Variants in SERPINA7 observed in about 807,000 individuals in gnomAD.
SERPINA7 encodes thyroxine-binding globulin.
In SERPINA7, 14 loss-of-function variants were observed where a neutral mutation model predicts 16.0. The ratio of observed to expected loss-of-function variants is 0.88; its 90% CI spans 0.58 to 1.37. The LOEUF (loss-of-function observed/expected upper bound fraction) is 1.37, where lower values mean the gene tolerates loss of function less well. SERPINA7 is among the 40% of genes most tolerant of loss of function. The pLI, the probability that SERPINA7 is intolerant of heterozygous loss-of-function variation, is 0.00. For missense variants in SERPINA7, 335 were observed against 296.6 expected (o/e 1.13, Z -0.95); for synonymous variants, 140 against 111.0 (o/e 1.26, Z -1.65).
intron 3 of SERPINA7, among the ~76,000 whole-genome samples, chrX:106,034,868 T>C (rs113672465): frequency 1.8e-5 from 2 of 112,215 alleles, no homozygotes; most frequent in African/African-American, 6.5e-5. Context: ...CCAGACTTCC[T>C]AATTTGAAAA....
In SERPINA7 at chrX:106,035,329, T is replaced by C. The variant is rs754580387; in HGVS notation, c.679A>G (p.Ile227Val). The C allele has an allele frequency of 2.5e-6, 3 of 1,209,545 alleles. No individual in the cohort carries two copies. The East Asian group carries it at 8.9e-5, about 36-fold the overall frequency. ...SKTEDSSSFL[I>V]DKTTTVQVPM... Reference sequence around the variant, plus strand: ...ACTTGAACAGTGGTGGTCTTGTCTATTAAGAAGCTGGAACTGTCTTCTGTC... The same window carrying C: ...ACTTGAACAGTGGTGGTCTTGTCTACTAAGAAGCTGGAACTGTCTTCTGTC... The change falls in exon 3 of 5, where the codon ATA becomes GTA. Residue 227 changes from isoleucine (I) to valine (V), a missense_variant. Coordinates refer to ENST00000372563, the MANE Select transcript of SERPINA7 (RefSeq NM_000354.6).
At chrX:106,034,893 G>T (rs191610501) in intron 3 of SERPINA7, among the ~76,000 whole-genome samples, 1 of 112,063 alleles carries the variant, frequency 8.9e-6, no homozygotes, top group Non-Finnish European at 1.9e-5. Flanking sequence ...CAATTATACT[G>T]CCTCCTTTGT....
At chrX:106,037,288 C>G in intron 1 of SERPINA7, 2 of 397,773 alleles carry the variant, frequency 5.0e-6, no homozygotes, top group Non-Finnish European at 8.7e-6. Context: ...TGGCTTGCTG[C>G]AACCACGGAA....
chrX:106,033,517 T>C lies in SERPINA7; in HGVS notation c.1231A>G (p.Asn411Asp). The C allele has an allele frequency of 8.3e-7, 1 of 1,211,702 alleles. No individual in the cohort carries two copies. The highest frequency in any genetic ancestry group is 1.1e-6 in the Non-Finnish European group (1 of 895,275). The change falls in exon 5 of 5, where the codon AAC (asparagine) becomes GAC (aspartate). Residue 411 changes from asparagine to aspartate, a missense_variant. Coordinates refer to ENST00000372563, the MANE Select transcript of SERPINA7 (RefSeq NM_000354.6). Reference protein sequence around the residue: ...RSILFLGKVVNPTEA With the variant: ...RSILFLGKVVDPTEA ...TTTCCCAACTACGCTTCCGTTGGGT[T>C]CACAACTTTCCCTAGAAAGAGAATA...
At chrX:106,037,346 C>T (rs776893540) in intron 1 of SERPINA7, 116 of 310,182 alleles carry the variant, frequency 3.7e-4, no homozygotes, top group East Asian at 6.3e-4. Context: ...ATTATGAAAA[C>T]GCTGTGAGTA....
Position 106,034,389 on chromosome X carries a change from G to A in SERPINA7, c.897-7C>T. The A allele has an allele frequency of 8.3e-7, 1 of 1,197,904 alleles. No individual in the cohort carries two copies. ...AACAAACAAGTCAACCCATCTGTGGGAAAAGAGGAAGGGAACACATGGCAA... is the reference window on the plus strand; with the variant it reads ...AACAAACAAGTCAACCCATCTGTGGAAAAAGAGGAAGGGAACACATGGCAA... On this transcript the variant is annotated splice_polypyrimidine_tract_variant and splice_region_variant and intron_variant, in intron 3 of 4. Transcript: ENST00000372563.
At chrX:106,034,834 G>C (rs2041436268) in intron 3 of SERPINA7, among the ~76,000 whole-genome samples, 3 of 111,611 alleles carry the variant, frequency 2.7e-5, no homozygotes, top group Non-Finnish European at 3.8e-5. Flanking sequence ...GCTGACTTTG[G>C]GGAGCTCATC....
intron 1 of SERPINA7, 31 bp downstream of exon 1, chrX:106,038,667 C>A (rs915047820): frequency 9.0e-6 from 1 of 111,583 alleles, no homozygotes; most frequent in Admixed American, 9.5e-5. Context: ...TAGAGATGTT[C>A]AAAGTTTCCA....
Position 106,036,957 on chromosome X carries a change from T to C in SERPINA7, c.102A>G (p.Gln34=). 8.3e-7 allele frequency: 1 copy of C among 1,210,716 alleles called. No individual in the cohort carries two copies. Among genetic ancestry groups the C allele is most frequent in the African/African-American group, 1.7e-5 (1 of 57,578 alleles). The change falls in exon 2 of 5, where the codon CAA becomes CAG. Residue 34 remains glutamine (Q), a synonymous_variant. Coordinates refer to ENST00000372563, the MANE Select transcript of SERPINA7 (RefSeq NM_000354.6). ...ACATCTTGTAGAGAGTGGCATTTGG[T>C]TGGGATGAATGGCAGGCTGTTACTT... ...EGKVTACHSS[Q]PNATLYKMSS...
Position 106,034,259 on chromosome X carries a change from C to T in SERPINA7, c.1020G>A (p.Glu340=). The T allele has an allele frequency of 8.3e-7, 1 of 1,210,597 alleles. No individual in the cohort carries two copies. Among genetic ancestry groups the T allele is most frequent in the Non-Finnish European group, 1.1e-6 (1 of 894,498 alleles). The change falls in exon 4 of 5, where the codon GAG becomes GAA. Residue 340 remains glutamate (E), a synonymous_variant. Transcript: ENST00000372563. The stretch of plus-strand genomic sequence containing the variant: ...CATTGGAAAGTTTCAGACCATTGTC[C>T]TCTGTGAGTCCAGAAAAATCAGCAT... ...SENADFSGLT[E]DNGLKLSNAA... is the part of the protein sequence containing the mutation.
chrX:106,033,925 C>T (rs1003076038), intron 4 of SERPINA7, among the ~76,000 whole-genome samples: 3 of 112,271 alleles, frequency 2.7e-5, no homozygotes, highest in Admixed American at 9.4e-5. Flanking sequence ...GGCCTGCTGC[C>T]GCCAGGAGTC....
At chrX:106,034,506 C>T (rs901960573) in intron 3 of SERPINA7, 124 bp from the exon 4 acceptor site, 12 of 620,950 alleles carry the variant, frequency 1.9e-5, no homozygotes, top group Non-Finnish European at 2.9e-5. Flanking sequence ...ATAACCATTA[C>T]TATGTAAGTC....
Position 106,036,906 on chromosome X carries a change from G to C in SERPINA7, c.153C>G (p.Phe51Leu). 8.3e-7 allele frequency: 1 copy of C among 1,211,274 alleles called. No homozygotes were observed. The highest frequency in any genetic ancestry group is 1.1e-6 in the Non-Finnish European group (1 of 895,146). ...KMSSINADFA[F>L]NLYRRFTVET... is the part of the protein sequence containing the mutation. ...CCACAGTGAACCTCCGGTACAGATT[G>C]AATGCAAAGTCAGCATTAATGGATG... The change falls in exon 2 of 5, where the codon TTC becomes TTG. Residue 51 changes from phenylalanine (F) to leucine (L), a missense_variant. Physicochemically the swap from Phe to Leu is conservative, Grantham distance 22 (BLOSUM62 0). Coordinates refer to ENST00000372563, the MANE Select transcript of SERPINA7 (RefSeq NM_000354.6).
At chrX:106,034,778 C>G (rs1326248381) in intron 3 of SERPINA7, among the ~76,000 whole-genome samples, 1 of 111,754 alleles carries the variant, frequency 8.9e-6, no homozygotes, top group Non-Finnish European at 1.9e-5. Context: ...CCAACCTGTT[C>G]TTTGAGCTCT....
intron 3 of SERPINA7, among the ~76,000 whole-genome samples, chrX:106,034,742 G>A (rs1001010671): frequency 2.1e-4 from 24 of 111,899 alleles, no homozygotes; most frequent in Non-Finnish European, 1.9e-5. Context: ...CAGAGTGGCT[G>A]CCCAATCACC....
At position 106,035,225 on chromosome X, in the gene SERPINA7, G is replaced by A; in HGVS notation, c.783C>T (p.Tyr261=). ...ELNCTVLQMD[Y]SKNALALFVL... ...CAAAGAGTGCCAGAGCATTCTTGCT[G>A]TAGTCCATTTGCAGAACTGTGCAGT... Residue 261 remains tyrosine, a synonymous_variant, in exon 3 of 5, where the codon TAC becomes TAT. Transcript: ENST00000372563. 4 of 1,211,158 alleles carry A rather than the reference G, an allele frequency of 3.3e-6. No homozygotes were observed. Among genetic ancestry groups the A allele is most frequent in the Non-Finnish European group, 4.5e-6 (4 of 895,001 alleles).
intron 4 of SERPINA7, 174 bp from the exon 5 acceptor site, chrX:106,033,877 T>C: frequency 2.1e-6 from 2 of 941,246 alleles, no homozygotes; most frequent in South Asian, 2.4e-5. Context: ...TCTCTGGCGA[T>C]TCTACGGCTA....
At chrX:106,034,902 G>A (rs2147841335) in intron 3 of SERPINA7, among the ~76,000 whole-genome samples, 1 of 112,210 alleles carries the variant, frequency 8.9e-6, no homozygotes, top group South Asian at 3.7e-4. Context: ...TGCCTCCTTT[G>A]TAGGTTTGTT....
intron 1 of SERPINA7, among the ~76,000 whole-genome samples, chrX:106,038,068 C>A (rs1356003989): frequency 9.0e-6 from 1 of 111,643 alleles, no homozygotes; most frequent in African/African-American, 3.3e-5. Flanking sequence ...TCAGATTGCT[C>A]TCCTGAGCTC....
Sources: allele counts gnomAD v4.1 joint callset (sites outside exome capture counted in the v4.1 genomes callset), GRCh38; gene constraint gnomAD v4.1.1; transcripts MANE v1.5; gene names NCBI Gene and HGNC (gene_info 2026-07-23, HGNC 2026-07-21).